The following MRC1 variants were observed in gnomAD, a reference collection of about 807,000 sequenced individuals.
MRC1 encodes mannose receptor C-type 1.
A neutral mutation model predicts 102.9 loss-of-function variants in MRC1; 62 were observed. The ratio of observed to expected loss-of-function variants is 0.60; its 90% CI spans 0.49 to 0.74. The LOEUF is 0.74. Ranked by LOEUF, MRC1 falls within the 30% of genes least tolerant of loss-of-function variation. The probability of loss-of-function intolerance (pLI) is 0.00; values close to 1 mark genes in which losing one functional copy is unlikely to be tolerated. For synonymous variants in MRC1, 457 were observed against 298.4 expected, an observed-to-expected ratio of 1.53 and a Z score of -5.48; for missense variants, 1,237 against 862.8, an observed-to-expected ratio of 1.43 and a Z score of -5.43.
chr10:17,887,413 A>G (rs1410829250), intron 22 of MRC1, among the ~76,000 whole-genome samples: 1 of 152,062 alleles, frequency 6.6e-6, no homozygotes, highest in Non-Finnish European at 1.5e-5. Context: ...AACAAAACAA[A>G]ACAAACAAAC....
At position 17,870,868 on chromosome 10, in the gene MRC1, A is replaced by G. The variant is rs1833345353; in HGVS notation, c.2132A>G (p.Lys711Arg). Residue 711 changes from lysine to arginine, a missense_variant, in exon 14 of 30, where the codon AAA becomes AGA. Transcript: ENST00000569591. ...CATAGAGCTAGTGGAAGCTACCACA[A>G]ACTGTTTTGGTTGGGATTGACATAT... is the stretch of plus-strand genomic sequence containing the variant. ...RLITASGSYH[K>R]LFWLGLTYGS... is the part of the protein sequence containing the mutation. 2.3e-6 allele frequency: 2 copies of G among 872,432 alleles called. No individual in the cohort carries two copies. The highest frequency in any genetic ancestry group is 2.2e-4 in the Middle Eastern group (1 of 4,602). 54.0% of individuals were successfully genotyped at this position (872,432 alleles called of 1,614,324 possible).
At position 17,902,098 on chromosome 10, in the gene MRC1, G is replaced by A; in HGVS notation, c.3775G>A (p.Ala1259Thr). Residue 1259 changes from alanine (A) to threonine (T), a missense_variant, in exon 26 of 30, where the codon GCT (alanine) becomes ACT (threonine). Transcript: ENST00000569591. ...CTCATATACAAGAAACTGGGGCCAAGCTTCTCTGGAATGTCTTCGAATGGG... is the reference window on the plus strand; with the variant it reads ...CTCATATACAAGAAACTGGGGCCAAACTTCTCTGGAATGTCTTCGAATGGG... ...ESSYTRNWGQ[A>T]SLECLRMGSS... 2 of 780,746 alleles carry A rather than the reference G, an allele frequency of 2.6e-6. No individual in the cohort carries two copies. The highest frequency in any genetic ancestry group is 2.4e-6 in the Non-Finnish European group (1 of 417,920). 48.4% of individuals were successfully genotyped at this position (780,746 alleles called of 1,614,324 possible). A position where few individuals can be genotyped will look rare whatever the true frequency, so the allele number is the denominator to read the frequency against.
intron 3 of MRC1, 73 bp downstream of exon 3, chr10:17,827,788 T>C (rs1397082124): frequency 6.5e-6 from 5 of 770,710 alleles, no homozygotes; most frequent in Admixed American, 1.7e-5. Context: ...CTTGAATTTA[T>C]CTAGAGCATT....
intron 1 of MRC1, among the ~76,000 whole-genome samples, chr10:17,811,079 C>T (rs1838214061): frequency 6.6e-6 from 1 of 152,238 alleles, no homozygotes; most frequent in Non-Finnish European, 1.5e-5. Flanking sequence ...AGGCATGAGC[C>T]ACAGCGCCCA....
chr10:17,861,554 T>A (rs1833184444), intron 10 of MRC1, 52 bp downstream of exon 10: 48 of 813,500 alleles, frequency 5.9e-5, no homozygotes, highest in Non-Finnish European at 1.0e-4. Context: ...GAAAAAAGTT[T>A]CAGAAAAGCC....
chr10:17,907,993 C>G (rs1025837831), intron 28 of MRC1, among the ~76,000 whole-genome samples: 4 of 152,134 alleles, frequency 2.6e-5, no homozygotes, highest in African/African-American at 7.2e-5. Context: ...ATCTACAAAG[C>G]CTTATTGCAT....
intron 18 of MRC1, among the ~76,000 whole-genome samples, chr10:17,878,756 G>A (rs1359565827): frequency 3.3e-5 from 5 of 151,946 alleles, no homozygotes; most frequent in Admixed American, 1.3e-4. Context: ...TCGAAATCCT[G>A]GGTTCAAGCA....
rs1180428767 is a variant in MRC1 at position 17,849,594 on chromosome 10, C to A, written c.1079C>A (p.Thr360Asn). ...FVIPSESDVP[T>N]HCPSQWWPYA... is the part of the protein sequence containing the mutation. ...TTGTTTCTAGAAAGTGATGTGCCTA[C>A]TCACTGTCCTAGTCAGTGGTGGCCG... Residue 360 changes from threonine to asparagine, a missense_variant, in exon 7 of 30, where the codon ACT (threonine) becomes AAT (asparagine). Physicochemically the swap from Thr to Asn is moderately conservative, Grantham distance 65. Transcript: ENST00000569591. 1 of 780,740 alleles carries A rather than the reference C, an allele frequency of 1.3e-6. No homozygotes were observed. The highest frequency in any genetic ancestry group is 2.4e-6 in the Non-Finnish European group (1 of 418,012). The allele number at this position is 780,740 out of a possible 1,614,324, so 48.4% of individuals were successfully genotyped here. A position where few individuals can be genotyped will look rare whatever the true frequency, so the allele number is the denominator to read the frequency against.
chr10:17,899,477 T>C (rs1322168627), intron 24 of MRC1, among the ~76,000 whole-genome samples: 1 of 152,204 alleles, frequency 6.6e-6, no homozygotes, highest in Non-Finnish European at 1.5e-5. Flanking sequence ...CTTATTTCTA[T>C]AGAGTTAATG....
intron 12 of MRC1, among the ~76,000 whole-genome samples, chr10:17,869,185 A>G (rs1241767109): frequency 6.6e-6 from 1 of 152,218 alleles, no homozygotes; most frequent in Non-Finnish European, 1.5e-5. Context: ...TTGGAAATAT[A>G]TAGACCACCT....
intron 4 of MRC1, 133 bp downstream of exon 4, chr10:17,833,972 T>C: frequency 3.1e-6 from 2 of 647,228 alleles, no homozygotes; most frequent in Non-Finnish European, 5.6e-6. Context: ...GTGGATGTCA[T>C]GACAAATCTG....
intron 9 of MRC1, among the ~76,000 whole-genome samples, chr10:17,857,072 T>C (rs1833103606): frequency 6.6e-6 from 1 of 152,232 alleles, no homozygotes; most frequent in South Asian, 2.1e-4. Context: ...AGTATTATGT[T>C]GTGGTCACAT....
chr10:17,863,663 C>T lies in MRC1; in HGVS notation c.1764C>T (p.His588=). The change falls in exon 11 of 30, where the codon CAC becomes CAT. Residue 588 remains histidine, a synonymous_variant. Transcript: ENST00000569591. ...TCGAGGAAGAGGTTCGGTTCACCCACTGGAATTCAGATATGCCAGGTACGG... is the reference window on the plus strand; with the variant it reads ...TCGAGGAAGAGGTTCGGTTCACCCATTGGAATTCAGATATGCCAGGTACGG... ...WTIEEEVRFT[H]WNSDMPGRKP... The T allele has an allele frequency of 1.3e-6, 1 of 780,836 alleles. No individual in the cohort carries two copies. 48.4% of individuals were successfully genotyped at this position (780,836 alleles called of 1,614,324 possible).
At chr10:17,815,079 G>A (rs1240956582) in intron 1 of MRC1, among the ~76,000 whole-genome samples, 1 of 152,068 alleles carries the variant, frequency 6.6e-6, no homozygotes, top group African/African-American at 2.4e-5. Context: ...TAATAATAAT[G>A]AATATATATT....
chr10:17,908,882 T>C (rs1454786708), intron 28 of MRC1, among the ~76,000 whole-genome samples: 3 of 152,204 alleles, frequency 2.0e-5, no homozygotes, highest in African/African-American at 7.2e-5. Context: ...AGTCTTATTT[T>C]ACTTTTCATT....
At position 17,827,791 on chromosome 10, in the gene MRC1, A is replaced by G. The variant is rs1589166603; in HGVS notation, c.637+76A>G. On this transcript the variant is annotated intron_variant, in intron 3 of 29. Coordinates refer to ENST00000569591, the MANE Select transcript of MRC1 (RefSeq NM_002438.4). ...GTAGTGAAAGACCTTGAATTTATCT[A>G]GAGCATTTTTCCCCAAAGTTATTTC... The G allele has an allele frequency of 1.3e-5, 10 of 769,892 alleles. No homozygotes were observed. The Admixed American group carries it at 1.7e-4, about 13-fold the overall frequency. The allele number at this position is 769,892 out of a possible 1,614,324, so 47.7% of individuals were successfully genotyped here.
chr10:17,859,469 C>T (rs908102161), intron 9 of MRC1, among the ~76,000 whole-genome samples: 11 of 152,050 alleles, frequency 7.2e-5, no homozygotes, highest in South Asian at 2.1e-4. Flanking sequence ...AGGTGCCTGC[C>T]GTCACGCCCA....
At chr10:17,814,178 A>T (rs973335840) in intron 1 of MRC1, among the ~76,000 whole-genome samples, 6,372 of 152,282 alleles carry the variant, frequency 0.042, 315 homozygotes, top group African/African-American at 0.13. Flanking sequence ...GGCTTGCAGA[A>T]GTCAGGTAGT....
rs34705004 is a variant in MRC1 at position 17,831,055 on chromosome 10, A to ATTT, written c.638-2608_638-2606dup. On this transcript the variant is annotated intron_variant, in intron 3 of 29. Coordinates refer to ENST00000569591, the MANE Select transcript of MRC1 (RefSeq NM_002438.4). ...AGGCGCGTGCCACCATACCTGGGTA[A>ATTT]TTTTTTTTTTTTTTGTATTTTTAGT... Among the ~76,000 whole-genome samples, 11 of 141,950 alleles carry ATTT rather than the reference A, an allele frequency of 7.7e-5. No individual in the cohort carries two copies. In the East Asian group the frequency reaches 1.2e-3, roughly 16 times the overall value. The allele number at this position is 141,950 out of a possible 152,430, so 93.1% of individuals were successfully genotyped here. A position where few individuals can be genotyped will look rare whatever the true frequency, so the allele number is the denominator to read the frequency against.
Sources: gnomAD v4.1 joint callset for allele counts (sites outside exome capture counted in the v4.1 genomes callset) on GRCh38, gnomAD v4.1.1 for gene constraint, MANE v1.5 for transcripts, NCBI Gene and HGNC (gene_info 2026-07-23, HGNC 2026-07-21) for gene names.